Variants in BMPR1A observed in about 807,000 individuals in gnomAD.
The protein encoded by BMPR1A is bone morphogenetic protein receptor type 1A.
BMPR1A carries 7 observed loss-of-function variants against 66.0 expected under a neutral mutation model. The observed-to-expected ratio is 0.11, with a 90% CI of 0.06 to 0.20. The LOEUF is 0.20. Among genes scored for constraint, BMPR1A ranks in the 10% least tolerant of loss-of-function variants. BMPR1A has a pLI of 1.00. For synonymous variants in BMPR1A, 200 were observed against 229.7 expected, an observed-to-expected ratio of 0.87 and a Z score of 1.17; for missense variants, 408 against 669.1, an observed-to-expected ratio of 0.61 and a Z score of 4.31.
intron 1 of BMPR1A, among the ~76,000 whole-genome samples, chr10:86,816,591 T>G (rs942654556): frequency 2.0e-5 from 3 of 152,352 alleles, no homozygotes; most frequent in East Asian, 1.9e-4. Context: ...CTTCCTTGTC[T>G]TTAATTTCTG....
chr10:86,903,187 A>G (rs1241083062), intron 7 of BMPR1A, among the ~76,000 whole-genome samples: 1 of 152,250 alleles, frequency 6.6e-6, no homozygotes, highest in Non-Finnish European at 1.5e-5. Context: ...AAATGAATAC[A>G]TATATAAATA....
At chr10:86,864,106 C>G (rs1409624325) in intron 2 of BMPR1A, among the ~76,000 whole-genome samples, 3 of 152,098 alleles carry the variant, frequency 2.0e-5, no homozygotes, top group Non-Finnish European at 4.4e-5. Flanking sequence ...TTCAGCACTC[C>G]TTCTCACCTT....
Position 86,889,313 on chromosome 10 carries a change from A to T in BMPR1A, c.68-749A>T, listed in dbSNP as rs1843114998. Among the ~76,000 whole-genome samples the T allele has an allele frequency of 1.3e-5, 2 of 152,190 alleles. 1 individual carries two copies. The highest frequency in any genetic ancestry group is 2.9e-5 in the Non-Finnish European group (2 of 68,036). On this transcript the variant is annotated intron_variant, in intron 3 of 12. Transcript: ENST00000372037. ...GTCTGCATTCAAACCAATGACCTCG[A>T]GGTGAAAATCTCCAGATAACATGAT...
At chr10:86,915,424 A>C (rs7091555) in intron 8 of BMPR1A, among the ~76,000 whole-genome samples, 68,257 of 152,076 alleles carry the variant, frequency 0.45, 17,569 homozygotes, top group East Asian at 0.7. Context: ...AGGCTTGTTG[A>C]ACTTTTCTCA....
chr10:86,760,977 G>C (rs1841045985), intron 1 of BMPR1A, among the ~76,000 whole-genome samples: 1 of 152,146 alleles, frequency 6.6e-6, no homozygotes, highest in Non-Finnish European at 1.5e-5. Context: ...TGATTGTAAG[G>C]TGCACCCCAA....
intron 1 of BMPR1A, among the ~76,000 whole-genome samples, chr10:86,806,287 A>G (rs1841888555): frequency 6.6e-6 from 1 of 152,188 alleles, no homozygotes; most frequent in Admixed American, 6.5e-5. Context: ...TCCCTCTTGT[A>G]ACTAGTAAGC....
intron 1 of BMPR1A, among the ~76,000 whole-genome samples, chr10:86,831,481 C>T (rs550513434): frequency 6.6e-6 from 1 of 152,296 alleles, no homozygotes; most frequent in South Asian, 2.1e-4. Context: ...TGGCACCAGG[C>T]ACAGTGGTTT....
At chr10:86,846,071 G>A (rs1490348538) in intron 2 of BMPR1A, among the ~76,000 whole-genome samples, 1 of 152,068 alleles carries the variant, frequency 6.6e-6, no homozygotes. Flanking sequence ...CCCTACCACT[G>A]CAGCTGGTCC....
At chr10:86,829,873 G>GT (rs937208543) in intron 1 of BMPR1A, among the ~76,000 whole-genome samples, 2 of 152,106 alleles carry the variant, frequency 1.3e-5, no homozygotes, top group Admixed American at 6.6e-5. Context: ...TTCATGTTCA[G>GT]TTTTTTGTGT....
Position 86,859,593 on chromosome 10 carries a change from G to A in BMPR1A, c.-152-16274G>A, listed in dbSNP as rs1373117378. On this transcript the variant is annotated intron_variant, in intron 2 of 12. Transcript: ENST00000372037. The stretch of plus-strand genomic sequence containing the variant: ...CCAGCACTTTGGAAGGCTGAGGCAG[G>A]TGGATCACCTGAGGTCAGGAGTTCG... 1.3e-4 allele frequency among the ~76,000 whole-genome samples: 20 copies of A among 152,214 alleles called. No homozygotes were observed. In the East Asian group the frequency reaches 3.9e-3, roughly 30 times the overall value.
chr10:86,809,635 A>T (rs148150115), intron 1 of BMPR1A, among the ~76,000 whole-genome samples: 924 of 69,804 alleles, frequency 0.013, 11 homozygotes, highest in African/African-American at 0.067. Context: ...TTTTTAAGAG[A>T]CAGGGTCTTA....
At chr10:86,807,084 A>G (rs1299501541) in intron 1 of BMPR1A, among the ~76,000 whole-genome samples, 1 of 152,118 alleles carries the variant, frequency 6.6e-6, no homozygotes, top group African/African-American at 2.4e-5. Context: ...AGTGGGATTC[A>G]ATATATAGAA....
chr10:86,881,258 A>T (rs1460743804), intron 3 of BMPR1A, among the ~76,000 whole-genome samples: 1 of 152,006 alleles, frequency 6.6e-6, no homozygotes, highest in Non-Finnish European at 1.5e-5. Flanking sequence ...AGAAAACAAA[A>T]CTAGTTGGTT....
chr10:86,807,181 C>T (rs1380863731), intron 1 of BMPR1A, among the ~76,000 whole-genome samples: 2 of 152,010 alleles, frequency 1.3e-5, no homozygotes, highest in Non-Finnish European at 2.9e-5. Flanking sequence ...AGGAAATAGA[C>T]TATTATTTTT....
intron 2 of BMPR1A, among the ~76,000 whole-genome samples, chr10:86,864,863 T>TA (rs1424744561): frequency 2.6e-5 from 4 of 152,102 alleles, no homozygotes; most frequent in Non-Finnish European, 5.9e-5. Context: ...TATCACCCCT[T>TA]ACCACAAGAT....
At chr10:86,772,791 C>A (rs919138095) in intron 1 of BMPR1A, among the ~76,000 whole-genome samples, 1 of 152,064 alleles carries the variant, frequency 6.6e-6, no homozygotes, top group East Asian at 1.9e-4. Context: ...TTTAAAGTTT[C>A]TTTTCAAAAC....
At chr10:86,916,160 G>A (rs1232969420) in intron 8 of BMPR1A, among the ~76,000 whole-genome samples, 2 of 152,214 alleles carry the variant, frequency 1.3e-5, no homozygotes, top group Non-Finnish European at 2.9e-5. Context: ...TAAAAGTTGA[G>A]ATAAGTCAAA....
chr10:86,761,315 GCCTT>G (rs1841052896), intron 1 of BMPR1A, among the ~76,000 whole-genome samples: 2 of 152,292 alleles, frequency 1.3e-5, no homozygotes, highest in East Asian at 3.9e-4. Flanking sequence ...TTTCTGATGA[GCCTT>G]CCTTTCTTAT....
chr10:86,825,186 C>G (rs1225997982), intron 1 of BMPR1A, among the ~76,000 whole-genome samples: 1 of 151,710 alleles, frequency 6.6e-6, no homozygotes, highest in East Asian at 1.9e-4. Context: ...TCACTGCAGC[C>G]TCAACCTCCT....
Sources: gnomAD v4.1 joint callset for allele counts (sites outside exome capture counted in the v4.1 genomes callset) on GRCh38, gnomAD v4.1.1 for gene constraint, MANE v1.5 for transcripts, NCBI Gene and HGNC (gene_info 2026-07-23, HGNC 2026-07-21) for gene names.